Variants in LMO2 observed in about 807,000 individuals in gnomAD.
LMO2 encodes LIM domain only 2.
LMO2 carries 20 observed loss-of-function variants against 23.2 expected under a neutral mutation model. The observed-to-expected ratio is 0.86, with a 90% CI of 0.61 to 1.25. LMO2 has a LOEUF of 1.25. Ranked by LOEUF, LMO2 falls within the 50% of genes most tolerant of loss-of-function variation. The probability of loss-of-function intolerance (pLI) is 0.00; values close to 1 mark genes in which losing one functional copy is unlikely to be tolerated. For missense variants in LMO2, 270 were observed against 315.3 expected, an observed-to-expected ratio of 0.86 and a Z score of 1.09; for synonymous variants, 123 against 130.2, an observed-to-expected ratio of 0.94 and a Z score of 0.38.
At chr11:33,869,012 G>C (rs947951756) in intron 4 of LMO2, among the ~76,000 whole-genome samples, 10 of 152,226 alleles carry the variant, frequency 6.6e-5, no homozygotes, top group African/African-American at 2.4e-4. Flanking sequence ...AACGCTCTCC[G>C]GACTGCACCT....
intron 5 of LMO2, among the ~76,000 whole-genome samples, chr11:33,862,722 G>A (rs1274512609): frequency 6.6e-6 from 1 of 152,096 alleles, no homozygotes; most frequent in African/African-American, 2.4e-5. Flanking sequence ...TTGGCTAAAG[G>A]ACCATCCCTG....
intron 2 of LMO2, chr11:33,870,533 G>A: frequency 2.0e-6 from 2 of 985,814 alleles, no homozygotes; most frequent in South Asian, 9.4e-5. Context: ...AGAGGCGATG[G>A]TGGTGCGCCA....
chr11:33,873,611 A>C (rs938444798), intron 2 of LMO2, among the ~76,000 whole-genome samples: 3 of 152,244 alleles, frequency 2.0e-5, no homozygotes, highest in African/African-American at 7.2e-5. Context: ...TTCTTTTAAA[A>C]GTTGAGAAAA....
intron 1 of LMO2, among the ~76,000 whole-genome samples, chr11:33,890,589 C>T (rs758317487): frequency 1.6e-4 from 24 of 152,244 alleles, no homozygotes; most frequent in Non-Finnish European, 2.9e-4. Flanking sequence ...TGACCTCAGG[C>T]GATCTGCCTG....
intron 2 of LMO2, chr11:33,870,365 T>G (rs1856979859): frequency 9.1e-6 from 9 of 985,480 alleles, no homozygotes; most frequent in Non-Finnish European, 1.1e-5. Context: ...GTGTTCCCAG[T>G]GGATTTTCCG....
intron 1 of LMO2, among the ~76,000 whole-genome samples, chr11:33,886,913 G>T (rs538213003): frequency 6.6e-6 from 1 of 152,310 alleles, no homozygotes; most frequent in East Asian, 1.9e-4. Context: ...TTTCCAGGCT[G>T]GTAGAAACAT....
chr11:33,880,150 T>C lies in LMO2; in HGVS notation c.-272+1674A>G, dbSNP rs566534074. 2.0e-5 allele frequency among the ~76,000 whole-genome samples: 1 copy of C among 49,540 alleles called. No individual in the cohort carries two copies. The highest frequency in any genetic ancestry group is 9.3e-4 in the South Asian group (1 of 1,080). The allele number at this position is 49,540 out of a possible 152,430, so 32.5% of individuals were successfully genotyped here. On this transcript the variant is annotated intron_variant, in intron 2 of 5. Transcript: ENST00000257818. The surrounding 1 kb of genome is among the most constrained non-coding windows in gnomAD (Gnocchi z 4.3). ...TGATATACGCATACTATTTTATGTGTACATATATATACATATGATATATAC... is the reference window on the plus strand; with the variant it reads ...TGATATACGCATACTATTTTATGTGCACATATATATACATATGATATATAC...
intron 1 of LMO2, among the ~76,000 whole-genome samples, chr11:33,891,346 A>AACACACACACACACAC (rs57617009): frequency 9.1e-4 from 114 of 125,042 alleles, no homozygotes; most frequent in African/African-American, 3.2e-3. Flanking sequence ...TTGTTAGGCA[A>AACACACACACACACAC]ACACACACAC....
intron 1 of LMO2, among the ~76,000 whole-genome samples, chr11:33,885,478 G>C (rs959217367): frequency 6.6e-6 from 1 of 152,224 alleles, no homozygotes; most frequent in African/African-American, 2.4e-5. Context: ...GCTCATGGGG[G>C]CAGATAGGAG....
intron 2 of LMO2, 102 bp from the exon 3 acceptor site, chr11:33,870,089 T>A (rs866493850): frequency 1.6e-4 from 45 of 275,922 alleles, no homozygotes; most frequent in African/African-American, 4.6e-4. Context: ...TTTTTTTTTT[T>A]AAACGGGGCT....
intron 2 of LMO2, among the ~76,000 whole-genome samples, chr11:33,875,393 C>T (rs1312973976): frequency 2.6e-5 from 4 of 151,970 alleles, no homozygotes; most frequent in South Asian, 2.1e-4. Flanking sequence ...GCCTGGCCAA[C>T]GTGATGAAAC....
rs956209419 is a variant in LMO2, at chr11:33,880,488, T to A, written c.-272+1336A>T. On this transcript the variant is annotated intron_variant, in intron 2 of 5. Transcript: ENST00000257818. The surrounding 1 kb of genome is among the most constrained non-coding windows in gnomAD (Gnocchi z 4.3). Reference sequence around the variant, plus strand: ...TAAACAAATACATAGAGACAGAAAGTCGAATGGTGGTTGCCAGGAGCTAGG... The same window carrying A: ...TAAACAAATACATAGAGACAGAAAGACGAATGGTGGTTGCCAGGAGCTAGG... Among the ~76,000 whole-genome samples the A allele has an allele frequency of 6.6e-6, 1 of 152,084 alleles. No homozygotes were observed. Among genetic ancestry groups the A allele is most frequent in the African/African-American group, 2.4e-5 (1 of 41,392 alleles).
chr11:33,877,710 A>C lies in LMO2; in HGVS notation c.-272+4114T>G, dbSNP rs146330682. Among the ~76,000 whole-genome samples the C allele has an allele frequency of 9.0e-3, 1,374 of 151,964 alleles. 27 individuals carry two copies. Among genetic ancestry groups the C allele is most frequent in the African/African-American group, 0.032 (1,327 of 41,434 alleles). ...GAACTCCTGACCTCAGGTGATCTAC[A>C]CGCCTTGGCCTCCCAAAGTGCTAGG... On this transcript the variant is annotated intron_variant, in intron 2 of 5. Transcript: ENST00000257818.
At chr11:33,890,449 T>G (rs1857518099) in intron 1 of LMO2, among the ~76,000 whole-genome samples, 2 of 152,150 alleles carry the variant, frequency 1.3e-5, no homozygotes, top group Admixed American at 6.5e-5. Context: ...CCTCCCGGGT[T>G]CAAGCAATTC....
At position 33,869,838 on chromosome 11, in the gene LMO2, C is replaced by A; in HGVS notation, c.-122G>T. Reference sequence around the variant, plus strand: ...AGCCCCTCGCACCTTCGGCCCGGGTCGCGGCGCGCTGCTCGCCGCCGAGGG... The same window carrying A: ...AGCCCCTCGCACCTTCGGCCCGGGTAGCGGCGCGCTGCTCGCCGCCGAGGG... On this transcript the variant is annotated 5_prime_UTR_variant, in exon 3 of 6. Coordinates refer to ENST00000257818, the MANE Select transcript of LMO2 (RefSeq NM_005574.4). 2.8e-6 allele frequency: 3 copies of A among 1,067,712 alleles called. No individual in the cohort carries two copies. The highest frequency in any genetic ancestry group is 4.5e-5 in the South Asian group (1 of 22,274). The allele number at this position is 1,067,712 out of a possible 1,614,324, so 66.1% of individuals were successfully genotyped here. A position where few individuals can be genotyped will look rare whatever the true frequency, so the allele number is the denominator to read the frequency against.
chr11:33,871,018 T>A (rs1490546225), intron 2 of LMO2: 1 of 969,180 alleles, frequency 1.0e-6, no homozygotes, highest in Non-Finnish European at 1.2e-6. Context: ...TGCCAGTCAT[T>A]AAGGCTTGTA....
At chr11:33,875,403 C>T (rs181055004) in intron 2 of LMO2, among the ~76,000 whole-genome samples, 1 of 151,866 alleles carries the variant, frequency 6.6e-6, no homozygotes, top group Non-Finnish European at 1.5e-5. Context: ...CGTGATGAAA[C>T]CCTATCTCTA....
At chr11:33,870,070 CTTTTTTTTTT>C in intron 2 of LMO2, 83 bp from the exon 3 acceptor site, 1 of 237,878 alleles carries the variant, frequency 4.2e-6, no homozygotes, top group South Asian at 1.6e-4. Flanking sequence ...TTTTTTCTTC[CTTTTTTTTTT>C]TTTTTTTTTA....
intron 2 of LMO2, chr11:33,870,272 A>T: frequency 1.2e-6 from 1 of 821,204 alleles, no homozygotes. Flanking sequence ...CTTTTGGTTT[A>T]ACTAAGGCAG....
Sources: allele counts gnomAD v4.1 joint callset (sites outside exome capture counted in the v4.1 genomes callset), GRCh38; gene constraint gnomAD v4.1.1; non-coding constraint Gnocchi (gnomAD v3.1); transcripts MANE v1.5; gene names NCBI Gene and HGNC (gene_info 2026-07-23, HGNC 2026-07-21).